TAF1A: variants seen among roughly 807,000 people sequenced by gnomAD.
TAF1A encodes the protein TATA-box binding protein associated factor, RNA polymerase I subunit A.
In TAF1A, 42 loss-of-function variants were observed where a neutral mutation model predicts 61.6. That is an observed-to-expected ratio of 0.68 (90% confidence interval 0.53 to 0.88). TAF1A has a LOEUF of 0.88. Among genes scored for constraint, TAF1A ranks in the 40% least tolerant of loss-of-function variants. TAF1A has a pLI of 0.00. For synonymous variants in TAF1A, 179 were observed against 177.7 expected, an observed-to-expected ratio of 1.01 and a Z score of -0.06; for missense variants, 424 against 518.7, an observed-to-expected ratio of 0.82 and a Z score of 1.77.
In TAF1A at chr1:222,568,441, C is replaced by T. The variant is rs149558502; in HGVS notation, c.894+1069G>A. Among the ~76,000 whole-genome samples the T allele has an allele frequency of 1.7e-3, 258 of 151,514 alleles. 1 individual carries two copies. The highest frequency in any genetic ancestry group is 5.3e-3 in the African/African-American group (217 of 41,264). The stretch of plus-strand genomic sequence containing the variant: ...AAATCAGTAAGAAGACAATTGATCC[C>T]CCCAAAAATAGACTAAGTAGTTGGA... On this transcript the variant is annotated intron_variant, in intron 7 of 10. Transcript: ENST00000352967.
intron 3 of TAF1A, 90 bp downstream of exon 3, chr1:222,584,038 G>T: frequency 2.1e-6 from 3 of 1,451,332 alleles, no homozygotes; most frequent in Non-Finnish European, 2.8e-6. Flanking sequence ...CAAAATCACT[G>T]AGATTCTGTA....
At chr1:222,588,703 A>G (rs1661127461) in intron 1 of TAF1A, 138 bp from the exon 2 acceptor site, 1 of 896,822 alleles carries the variant, frequency 1.1e-6, no homozygotes, top group African/African-American at 1.7e-5. Context: ...CAGCTCTTTT[A>G]AAGTAAAAAA....
chr1:222,586,579 A>T (rs1414692620), intron 2 of TAF1A, among the ~76,000 whole-genome samples: 1 of 152,252 alleles, frequency 6.6e-6, no homozygotes, highest in Non-Finnish European at 1.5e-5. Context: ...ATAGAGATGT[A>T]CAATAAAGAA....
At chr1:222,559,599 A>T (rs542672300) in intron 10 of TAF1A, among the ~76,000 whole-genome samples, 44 of 152,322 alleles carry the variant, frequency 2.9e-4, no homozygotes, top group African/African-American at 1.1e-3. Flanking sequence ...TCTCTGAGAA[A>T]ATGCAAGGAC....
chr1:222,584,566 T>C (rs1434394802), intron 2 of TAF1A, among the ~76,000 whole-genome samples: 3 of 152,206 alleles, frequency 2.0e-5, no homozygotes, highest in Non-Finnish European at 4.4e-5. Context: ...CCTTTCATCC[T>C]TGTACCAAAT....
intron 3 of TAF1A, among the ~76,000 whole-genome samples, chr1:222,582,984 G>A (rs1351560642): frequency 6.6e-6 from 1 of 152,074 alleles, no homozygotes; most frequent in South Asian, 2.1e-4. Flanking sequence ...AGGAGTTCAA[G>A]ACCTGCCTGG....
chr1:222,571,507 GAACT>G (rs1660350337), intron 5 of TAF1A, among the ~76,000 whole-genome samples: 1 of 151,922 alleles, frequency 6.6e-6, no homozygotes, highest in Non-Finnish European at 1.5e-5. Flanking sequence ...AAAATTTACT[GAACT>G]AATAAATGAG....
chr1:222,584,014 T>G, intron 3 of TAF1A, 114 bp downstream of exon 3: 1 of 1,254,674 alleles, frequency 8.0e-7, no homozygotes, highest in Non-Finnish European at 1.1e-6. Flanking sequence ...AAAAGTAGTT[T>G]TAGTAGCTTT....
chr1:222,583,451 G>A (rs1464756369), intron 3 of TAF1A, among the ~76,000 whole-genome samples: 3 of 151,214 alleles, frequency 2.0e-5, no homozygotes, highest in Non-Finnish European at 4.4e-5. Context: ...CACTCTAGTT[G>A]GAAAAAGAGA....
At chr1:222,583,838 A>G (rs1179907567) in intron 3 of TAF1A, among the ~76,000 whole-genome samples, 1 of 99,810 alleles carries the variant, frequency 1.0e-5, no homozygotes, top group African/African-American at 4.0e-5. Flanking sequence ...ACTCCGTCTC[A>G]AAAAAAAAAA....
chr1:222,576,008 T>C (rs760388311), intron 5 of TAF1A, among the ~76,000 whole-genome samples: 8 of 152,036 alleles, frequency 5.3e-5, no homozygotes, highest in Non-Finnish European at 7.4e-5. Context: ...ATGACAAGAC[T>C]AACAAAAGAA....
chr1:222,570,711 A>C, intron 5 of TAF1A, 46 bp from the exon 6 acceptor site: 2 of 1,499,172 alleles, frequency 1.3e-6, no homozygotes, highest in Non-Finnish European at 1.8e-6. Context: ...AACATTGAGG[A>C]CCTCTGTTAA....
At chr1:222,581,490 T>C (rs559069528) in intron 3 of TAF1A, among the ~76,000 whole-genome samples, 1 of 152,302 alleles carries the variant, frequency 6.6e-6, no homozygotes, top group African/African-American at 2.4e-5. Context: ...AATTTAGCAG[T>C]ATATGCCAGG....
chr1:222,568,169 A>G (rs1277368471), intron 7 of TAF1A, among the ~76,000 whole-genome samples: 6 of 138,352 alleles, frequency 4.3e-5, no homozygotes, highest in African/African-American at 1.7e-4. Context: ...ATAAAACTAT[A>G]CAACACATCT....
At chr1:222,577,790 CT>C in intron 4 of TAF1A, 147 bp from the exon 5 acceptor site, 1 of 668,134 alleles carries the variant, frequency 1.5e-6, no homozygotes. Flanking sequence ...TGGGTACAAT[CT>C]GGCAAAGAAG....
intron 9 of TAF1A, among the ~76,000 whole-genome samples, chr1:222,562,546 C>A (rs990804468): frequency 2.0e-5 from 3 of 152,158 alleles, no homozygotes; most frequent in Non-Finnish European, 2.9e-5. Flanking sequence ...CCAACTGACA[C>A]TGAATTGCCT....
intron 5 of TAF1A, among the ~76,000 whole-genome samples, chr1:222,573,754 C>A (rs950918719): frequency 1.3e-5 from 2 of 151,974 alleles, no homozygotes; most frequent in Non-Finnish European, 2.9e-5. Context: ...TAGGTATATA[C>A]CCAAGAGAAA....
chr1:222,568,084 T>C (rs933297302), intron 7 of TAF1A, among the ~76,000 whole-genome samples: 1 of 149,356 alleles, frequency 6.7e-6, no homozygotes, highest in Non-Finnish European at 1.5e-5. Context: ...AACAACCACA[T>C]GGGAAAAAAT....
downstream of TAF1A, among the ~76,000 whole-genome samples, chr1:222,557,560 C>T (rs1248792702): frequency 2.6e-5 from 4 of 152,160 alleles, no homozygotes; most frequent in Non-Finnish European, 4.4e-5. Flanking sequence ...AAGCGATTCT[C>T]CTGCTTCAGC....
Sources: gnomAD v4.1 joint callset for allele counts (sites outside exome capture counted in the v4.1 genomes callset) on GRCh38, gnomAD v4.1.1 for gene constraint, MANE v1.5 for transcripts, NCBI Gene and HGNC (gene_info 2026-07-23, HGNC 2026-07-21) for gene names.